NLRP1: variants seen among roughly 807,000 people sequenced by gnomAD.
NLRP1 encodes the protein NACHT, LRR and PYD domains-containing protein 1.
Under a neutral mutation model 136.7 loss-of-function variants are expected in NLRP1, and 94 were observed. The observed-to-expected ratio is 0.69, with a 90% CI of 0.58 to 0.82. The LOEUF is 0.82. Among genes scored for constraint, NLRP1 ranks in the 40% least tolerant of loss-of-function variants. The probability of loss-of-function intolerance (pLI) is 0.00; values close to 1 mark genes in which losing one functional copy is unlikely to be tolerated. For missense variants in NLRP1, 1,575 were observed against 1,802.7 expected (o/e 0.87, Z 2.29); for synonymous variants, 690 against 725.1 (o/e 0.95, Z 0.78).
At chr17:5,567,229 A>G (rs1467215825) in intron 3 of NLRP1, among the ~76,000 whole-genome samples, 2 of 151,360 alleles carry the variant, frequency 1.3e-5, no homozygotes, top group Admixed American at 6.6e-5. Flanking sequence ...TTGTTTTGTG[A>G]TCTTCTCTTC....
chr17:5,558,015 G>A (rs1217794555), intron 4 of NLRP1, among the ~76,000 whole-genome samples: 1 of 152,058 alleles, frequency 6.6e-6, no homozygotes, highest in Admixed American at 6.6e-5. Flanking sequence ...TGTGGGGGTA[G>A]CTAAGGTCAG....
At position 5,582,575 on chromosome 17, in the gene NLRP1, C is replaced by G. The variant is rs1490803690; in HGVS notation, c.448+95G>C. 27 of 1,205,018 alleles carry G rather than the reference C, an allele frequency of 2.2e-5. No individual in the cohort carries two copies. In the Admixed American group the frequency reaches 5.6e-4, roughly 25 times the overall value. 74.6% of individuals were successfully genotyped at this position (1,205,018 alleles called of 1,614,324 possible). ...ATCCTTCCTCTGCTGTCCCCCATGTCAGGTCCCCATGCACAGACATGATCC... is the reference window on the plus strand; with the variant it reads ...ATCCTTCCTCTGCTGTCCCCCATGTGAGGTCCCCATGCACAGACATGATCC... On this transcript the variant is annotated intron_variant, in intron 2 of 16. Transcript: ENST00000572272.
chr17:5,536,187 C>T (rs1222344780), intron 8 of NLRP1, among the ~76,000 whole-genome samples: 1 of 151,888 alleles, frequency 6.6e-6, no homozygotes, highest in Non-Finnish European at 1.5e-5. Flanking sequence ...CTTGCTCTGT[C>T]ACCCAGGCTG....
rs1052847801 is a variant in NLRP1 at position 5,514,692 on chromosome 17, T to C, written c.*62A>G. The C allele has an allele frequency of 5.7e-6, 9 of 1,588,522 alleles. No individual in the cohort carries two copies. Among genetic ancestry groups the C allele is most frequent in the Non-Finnish European group, 6.9e-6 (8 of 1,165,072 alleles). ...GCAACTTGTTTGCAGAGAAAGAAAC[T>C]GAGACCCAAAGAAGGGTCAGCCAAA... On this transcript the variant is annotated 3_prime_UTR_variant, in exon 17 of 17. Coordinates refer to ENST00000572272, the MANE Select transcript of NLRP1 (RefSeq NM_033004.4).
At chr17:5,530,348 C>T (rs1910080906) in intron 12 of NLRP1, 133 bp downstream of exon 12, 1 of 700,476 alleles carries the variant, frequency 1.4e-6, no homozygotes, top group African/African-American at 1.8e-5. Context: ...AAATCTTAGT[C>T]CCCATCTCCA....
In NLRP1 at chr17:5,556,119, C is replaced by CT. The variant is rs1458953938; in HGVS notation, c.2357+2219_2357+2220insA. ...CTCTGTCTCTGTCTCTCTCTCTACA[C>CT]ACACACACACACACACACACACACA... On this transcript the variant is annotated intron_variant, in intron 4 of 16. Transcript: ENST00000572272. Among the ~76,000 whole-genome samples, 20 of 76,614 alleles carry CT rather than the reference C, an allele frequency of 2.6e-4. No homozygotes were observed. The East Asian group carries it at 0.011, about 41-fold the overall frequency. 50.3% of individuals were successfully genotyped at this position (76,614 alleles called of 152,430 possible).
chr17:5,536,124 C>T (rs1911026831), intron 8 of NLRP1, among the ~76,000 whole-genome samples: 1 of 152,004 alleles, frequency 6.6e-6, no homozygotes, highest in South Asian at 2.1e-4. Flanking sequence ...TTCGCTGGCT[C>T]ACCCACCCAC....
chr17:5,522,721 G>A (rs898737126), intron 12 of NLRP1, among the ~76,000 whole-genome samples: 2 of 152,052 alleles, frequency 1.3e-5, no homozygotes, highest in African/African-American at 4.8e-5. Flanking sequence ...AAACTTATAC[G>A]CAAACCCAGC....
chr17:5,543,408 A>G (rs1912134342), intron 5 of NLRP1, among the ~76,000 whole-genome samples: 1 of 152,186 alleles, frequency 6.6e-6, no homozygotes, highest in Non-Finnish European at 1.5e-5. Flanking sequence ...TGTTAGCGTA[A>G]AGGCTACCCA....
intron 12 of NLRP1, among the ~76,000 whole-genome samples, chr17:5,524,290 T>C (rs927043506): frequency 1.3e-5 from 2 of 152,254 alleles, no homozygotes; most frequent in African/African-American, 4.8e-5. Context: ...TGTCTCTTGT[T>C]TCCTGTGACA....
chr17:5,556,439 G>A (rs532833169), intron 4 of NLRP1, among the ~76,000 whole-genome samples: 171 of 147,712 alleles, frequency 1.2e-3, no homozygotes, highest in African/African-American at 3.9e-3. Context: ...AGGGGACAGA[G>A]CGAGACTCCG....
chr17:5,558,256 AG>A, intron 4 of NLRP1, 82 bp downstream of exon 4: 1 of 1,455,264 alleles, frequency 6.9e-7, no homozygotes, highest in Non-Finnish European at 9.3e-7. Context: ...GGCCAGGCTC[AG>A]TGAGCATGCC....
chr17:5,552,084 CTTTTTTTT>C (rs71151872), intron 5 of NLRP1, among the ~76,000 whole-genome samples: 28 of 96,676 alleles, frequency 2.9e-4, no homozygotes, highest in East Asian at 2.1e-3. Context: ...TCTATCTTTC[CTTTTTTTT>C]TTTTTTTTTT....
intron 15 of NLRP1, among the ~76,000 whole-genome samples, chr17:5,506,772 G>A (rs897846033): frequency 2.0e-5 from 3 of 151,394 alleles, no homozygotes; most frequent in Non-Finnish European, 4.4e-5. Flanking sequence ...CATGATGGTC[G>A]ACACCTGTAA....
intron 5 of NLRP1, among the ~76,000 whole-genome samples, chr17:5,544,069 C>T (rs768381312): frequency 2.6e-5 from 4 of 152,128 alleles, no homozygotes; most frequent in Non-Finnish European, 5.9e-5. Flanking sequence ...TCTGATGGGA[C>T]CATGGAGCCT....
intron 4 of NLRP1, among the ~76,000 whole-genome samples, chr17:5,556,143 C>CAA (rs1278007205): frequency 2.7e-5 from 4 of 146,318 alleles, no homozygotes; most frequent in African/African-American, 1.0e-4. Flanking sequence ...CACACACACA[C>CAA]ACACACACAC....
Position 5,504,009 on chromosome 17 carries a change from G to A in NLRP1, c.4070-2137C>T, listed in dbSNP as rs1197161041. The A allele has an allele frequency of 6.6e-6, 1 of 152,278 alleles. No individual in the cohort carries two copies. The highest frequency in any genetic ancestry group is 2.4e-5 in the African/African-American group (1 of 41,438). The allele number at this position is 152,278 out of a possible 1,614,324, so 9.4% of individuals were successfully genotyped here. On this transcript the variant is annotated intron_variant, in intron 15 of 15. Transcript: ENST00000262467. The surrounding 1 kb of genome is among the most constrained non-coding windows in gnomAD (Gnocchi z 4.4). ...TAGGGGTATTTGCCTCTGGAAGAAA[G>A]ATACACTGTCTGAGTCAATAGGAAT...
At chr17:5,516,224 C>T (rs1281570296) in intron 15 of NLRP1, among the ~76,000 whole-genome samples, 3 of 152,008 alleles carry the variant, frequency 2.0e-5, no homozygotes, top group African/African-American at 4.8e-5. Flanking sequence ...CCAGGAGCAC[C>T]GGGTCCATGT....
chr17:5,509,269 T>G (rs1454409633), downstream of NLRP1, among the ~76,000 whole-genome samples: 1 of 152,232 alleles, frequency 6.6e-6, no homozygotes, highest in East Asian at 1.9e-4. Flanking sequence ...TAGCACTCAA[T>G]GGGGTCCCCA....
Sources: gnomAD v4.1 joint callset for allele counts (sites outside exome capture counted in the v4.1 genomes callset) on GRCh38, gnomAD v4.1.1 for gene constraint, Gnocchi (gnomAD v3.1) non-coding constraint, MANE v1.5 for transcripts, NCBI Gene and HGNC (gene_info 2026-07-23, HGNC 2026-07-21) for gene names.